The following GPR158 variants were observed in gnomAD, a reference collection of about 807,000 sequenced individuals.
GPR158 encodes the protein metabotropic glycine receptor.
GPR158 carries 30 observed loss-of-function variants against 78.2 expected under a neutral mutation model. The ratio of observed to expected loss-of-function variants is 0.38; its 90% confidence interval spans 0.29 to 0.52. The LOEUF (loss-of-function observed/expected upper bound fraction) is 0.52. Ranked by LOEUF, GPR158 falls within the 20% of genes least tolerant of loss-of-function variation. The pLI, the probability that GPR158 is intolerant of heterozygous loss-of-function variation, is 0.83. For missense variants in GPR158, 1,463 were observed against 1,523.5 expected, an observed-to-expected ratio of 0.96 and a Z score of 0.66; for synonymous variants, 581 against 591.1, an observed-to-expected ratio of 0.98 and a Z score of 0.25.
At chr10:25,209,456 GTT>G (rs891027575) in intron 1 of GPR158, among the ~76,000 whole-genome samples, 3 of 145,242 alleles carry the variant, frequency 2.1e-5, no homozygotes, top group African/African-American at 7.6e-5. Flanking sequence ...CTTTACTTCT[GTT>G]TTTTTTTTTC....
At chr10:25,199,782 A>C (rs1197721902) in intron 1 of GPR158, among the ~76,000 whole-genome samples, 1 of 152,182 alleles carries the variant, frequency 6.6e-6, no homozygotes, top group Non-Finnish European at 1.5e-5. Context: ...GCCATGCAGA[A>C]CAGTGAGTCA....
chr10:25,204,814 G>A (rs1852995333), intron 1 of GPR158, among the ~76,000 whole-genome samples: 1 of 143,216 alleles, frequency 7.0e-6, no homozygotes, highest in African/African-American at 2.8e-5. Context: ...AGTAGTCTCT[G>A]AGGGTTTTTT....
chr10:25,532,950 G>A (rs1379355902), intron 5 of GPR158, among the ~76,000 whole-genome samples: 1 of 151,342 alleles, frequency 6.6e-6, no homozygotes, highest in African/African-American at 2.4e-5. Flanking sequence ...TCTTAAAGGT[G>A]TTTTCATAGC....
In GPR158 at chr10:25,599,326, A is replaced by G. The variant is rs773487526; in HGVS notation, c.*52A>G. ...GGGAACCCCGGATTGGATATGAGAC[A>G]GAAGATATAAGAATCAAATATTCCC... On this transcript the variant is annotated 3_prime_UTR_variant, in exon 11 of 11. Coordinates refer to ENST00000376351, the MANE Select transcript of GPR158 (RefSeq NM_020752.3). The G allele has an allele frequency of 8.0e-7, 1 of 1,245,790 alleles. No individual in the cohort carries two copies. Among genetic ancestry groups the G allele is most frequent in the Non-Finnish European group, 1.1e-6 (1 of 889,142 alleles). 77.2% of individuals were successfully genotyped at this position (1,245,790 alleles called of 1,614,324 possible).
chr10:25,446,553 T>C (rs557097217), intron 4 of GPR158, among the ~76,000 whole-genome samples: 15 of 152,358 alleles, frequency 9.8e-5, no homozygotes, highest in African/African-American at 3.6e-4. Flanking sequence ...TGGCTTTCCA[T>C]GTGTATTCAT....
intron 2 of GPR158, among the ~76,000 whole-genome samples, chr10:25,292,805 G>T (rs910058361): frequency 2.0e-5 from 3 of 152,020 alleles, no homozygotes; most frequent in Non-Finnish European, 4.4e-5. Context: ...ATATTTTCCT[G>T]GTTAGACATG....
chr10:25,398,528 C>G (rs1338465916), intron 3 of GPR158, among the ~76,000 whole-genome samples: 1 of 152,188 alleles, frequency 6.6e-6, no homozygotes, highest in East Asian at 1.9e-4. Flanking sequence ...AATAAAACAT[C>G]TAAATATTGT....
At chr10:25,436,570 A>G (rs904309408) in intron 4 of GPR158, among the ~76,000 whole-genome samples, 4 of 152,216 alleles carry the variant, frequency 2.6e-5, no homozygotes, top group African/African-American at 9.6e-5. Context: ...GGGTGGAAGG[A>G]AGCCAGATCA....
chr10:25,231,185 A>G (rs967385720), intron 2 of GPR158, among the ~76,000 whole-genome samples: 2 of 152,204 alleles, frequency 1.3e-5, no homozygotes, highest in Non-Finnish European at 2.9e-5. Context: ...GCTAGCTTAT[A>G]GGAGTTGATG....
intron 5 of GPR158, among the ~76,000 whole-genome samples, chr10:25,519,839 A>G (rs1485266765): frequency 7.0e-4 from 55 of 78,770 alleles, no homozygotes; most frequent in African/African-American, 3.5e-3. Flanking sequence ...GGTGAATCTG[A>G]CAATTATGTG....
intron 3 of GPR158, among the ~76,000 whole-genome samples, chr10:25,401,279 T>C (rs1277005453): frequency 6.6e-6 from 1 of 152,208 alleles, no homozygotes; most frequent in Non-Finnish European, 1.5e-5. Context: ...CCTTGTAGTC[T>C]CATTCTGAAG....
intron 2 of GPR158, among the ~76,000 whole-genome samples, chr10:25,341,274 G>C (rs997369866): frequency 2.6e-5 from 4 of 151,926 alleles, no homozygotes; most frequent in Admixed American, 6.6e-5. Flanking sequence ...TACAAATATT[G>C]AATGTGGGTA....
intron 2 of GPR158, among the ~76,000 whole-genome samples, chr10:25,247,244 C>G (rs1214848919): frequency 6.6e-6 from 1 of 151,694 alleles, no homozygotes; most frequent in Non-Finnish European, 1.5e-5. Flanking sequence ...AAACCCTGAA[C>G]TGAGTCTTGT....
Position 25,254,831 on chromosome 10 carries a change from C to G in GPR158, c.1008+33674C>G, listed in dbSNP as rs190202380. On this transcript the variant is annotated intron_variant, in intron 2 of 10. Coordinates refer to ENST00000376351, the MANE Select transcript of GPR158 (RefSeq NM_020752.3). ...AAAACTTTTAGCAAATTAACTTTCT[C>G]ACCTTGGAAGTATCTAATGACTAGA... is the stretch of plus-strand genomic sequence containing the variant. Among the ~76,000 whole-genome samples the G allele has an allele frequency of 9.2e-4, 140 of 152,250 alleles. No homozygotes were observed. In the Middle Eastern group the frequency reaches 0.017, roughly 18 times the overall value.
intron 2 of GPR158, among the ~76,000 whole-genome samples, chr10:25,319,096 A>G (rs983107785): frequency 7.9e-5 from 12 of 152,182 alleles, no homozygotes; most frequent in Non-Finnish European, 1.5e-4. Flanking sequence ...ACTAAGCTGT[A>G]TATAGTTCTC....
rs2130649595 is a variant in GPR158, at chr10:25,196,764, C to T, written c.902+20442C>T. Among the ~76,000 whole-genome samples, 2 of 152,302 alleles carry T rather than the reference C, an allele frequency of 1.3e-5. 1 individual carries two copies. The highest frequency in any genetic ancestry group is 1.3e-4 in the Admixed American group (2 of 15,294). ...GTCTTTCAATCTCTGCAGAAGAGTT[C>T]TTGATTTTTTGCTTGGGAAAAAATG... On this transcript the variant is annotated intron_variant, in intron 1 of 10. Transcript: ENST00000376351.
At chr10:25,393,060 TAATAA>T (rs1834322402) in intron 2 of GPR158, among the ~76,000 whole-genome samples, 1 of 152,220 alleles carries the variant, frequency 6.6e-6, no homozygotes, top group East Asian at 1.9e-4. Flanking sequence ...GTGTTTTATG[TAATAA>T]AATCAGGAGG....
At chr10:25,343,526 A>G (rs569618436) in intron 2 of GPR158, among the ~76,000 whole-genome samples, 5 of 152,144 alleles carry the variant, frequency 3.3e-5, no homozygotes, top group East Asian at 3.9e-4. Context: ...CAGTTTGTTC[A>G]TAAAATCCTA....
intron 2 of GPR158, among the ~76,000 whole-genome samples, chr10:25,306,694 A>G (rs1013878198): frequency 1.1e-4 from 17 of 152,176 alleles, no homozygotes; most frequent in African/African-American, 3.6e-4. Context: ...AACTACCTTT[A>G]TCTATTACTA....
Sources: allele counts gnomAD v4.1 joint callset (sites outside exome capture counted in the v4.1 genomes callset), GRCh38; gene constraint gnomAD v4.1.1; transcripts MANE v1.5; gene names NCBI Gene and HGNC (gene_info 2026-07-23, HGNC 2026-07-21).